The following REPS1 variants were observed in gnomAD, a reference collection of about 807,000 sequenced individuals.
REPS1 encodes ralBP1-associated Eps domain-containing protein 1.
Under a neutral mutation model 100.9 loss-of-function variants are expected in REPS1, and 39 were observed. The observed-to-expected ratio is 0.39, with a 90% CI of 0.30 to 0.50. REPS1 has a LOEUF of 0.50. Among genes scored for constraint, REPS1 ranks in the 20% least tolerant of loss-of-function variants. The pLI is 0.86. For synonymous variants in REPS1, 324 were observed against 340.3 expected (o/e 0.95, Z 0.53); for missense variants, 821 against 968.5 (o/e 0.85, Z 2.02).
chr6:138,962,611 C>T (rs1220697241), intron 1 of REPS1, among the ~76,000 whole-genome samples: 2 of 152,068 alleles, frequency 1.3e-5, no homozygotes, highest in African/African-American at 4.8e-5. Flanking sequence ...ATACCTCTTC[C>T]CTTCTTTCTT....
intron 1 of REPS1, among the ~76,000 whole-genome samples, chr6:138,969,683 T>C (rs1402665638): frequency 1.3e-5 from 2 of 152,038 alleles, no homozygotes; most frequent in African/African-American, 2.4e-5. Flanking sequence ...ATGTTGCACA[T>C]GCAGCCTCTC....
chr6:138,965,539 A>G (rs1359765748), intron 1 of REPS1, among the ~76,000 whole-genome samples: 1 of 152,192 alleles, frequency 6.6e-6, no homozygotes, highest in African/African-American at 2.4e-5. Context: ...TTTGATCACT[A>G]TCGTATACTT....
intron 8 of REPS1, among the ~76,000 whole-genome samples, chr6:138,932,842 A>G (rs1203572984): frequency 6.6e-6 from 1 of 152,206 alleles, no homozygotes; most frequent in Non-Finnish European, 1.5e-5. Flanking sequence ...TTTGTTTCCA[A>G]TGGTTACTAA....
chr6:138,942,322 T>C (rs1323646028), intron 7 of REPS1, among the ~76,000 whole-genome samples: 2 of 152,208 alleles, frequency 1.3e-5, no homozygotes, highest in African/African-American at 4.8e-5. Context: ...GTTTTAGGTG[T>C]TATCTACCTA....
chr6:138,934,407 A>G (rs534775656), intron 8 of REPS1: 1 of 460,198 alleles, frequency 2.2e-6, no homozygotes, highest in Non-Finnish European at 4.6e-6. Flanking sequence ...ATTTCCACGT[A>G]CAAAAGTGTG....
At chr6:138,979,018 TAAG>T (rs749337945) in intron 1 of REPS1, among the ~76,000 whole-genome samples, 3 of 151,726 alleles carry the variant, frequency 2.0e-5, no homozygotes, top group Non-Finnish European at 4.4e-5. Flanking sequence ...CTGTCTCTAC[TAAG>T]AAGACAAAAA....
chr6:138,955,526 T>C (rs1258481652), intron 1 of REPS1, among the ~76,000 whole-genome samples: 1 of 146,572 alleles, frequency 6.8e-6, no homozygotes, highest in East Asian at 2.1e-4. Context: ...TGAGTGACTA[T>C]TACATCTAAC....
intron 19 of REPS1, 169 bp downstream of exon 19, chr6:138,907,326 G>T (rs1010679607): frequency 2.1e-6 from 1 of 479,854 alleles, no homozygotes; most frequent in Non-Finnish European, 3.8e-6. Context: ...GTGTGTGTGT[G>T]TGTGTGTGTG....
At chr6:138,927,967 T>C (rs1385463849) in intron 9 of REPS1, 1 of 152,190 alleles carries the variant, frequency 6.6e-6, no homozygotes, top group Non-Finnish European at 1.5e-5. Flanking sequence ...AGGTATTTAC[T>C]TGTGTACCTC....
chr6:138,904,819 G>C lies in REPS1; in HGVS notation c.*245C>G, dbSNP rs1779529224. On this transcript the variant is annotated 3_prime_UTR_variant, in exon 20 of 20. Transcript: ENST00000450536. ...GAAGCATTGCATATCCCAGATGCTA[G>C]GGAACAGAAAAGGTGGGTGTGCCAA... 8.1e-6 allele frequency: 3 copies of C among 370,726 alleles called. No homozygotes were observed. Among genetic ancestry groups the C allele is most frequent in the Non-Finnish European group, 9.9e-6 (2 of 201,980 alleles). 23.0% of individuals were successfully genotyped at this position (370,726 alleles called of 1,614,324 possible).
Position 138,953,168 on chromosome 6 carries a change from C to T in REPS1, c.154-5255G>A, listed in dbSNP as rs141406026. On this transcript the variant is annotated intron_variant, in intron 1 of 19. Transcript: ENST00000450536. ...TTTATGAATGAAATTAGATGCCTAC[C>T]TCTCACCCTATATAAAAATCAACTC... Among the ~76,000 whole-genome samples the T allele has an allele frequency of 1.7e-3, 259 of 152,140 alleles. 1 individual carries two copies. The highest frequency in any genetic ancestry group is 6.0e-3 in the African/African-American group (251 of 41,522).
intron 15 of REPS1, among the ~76,000 whole-genome samples, chr6:138,913,938 G>A (rs1780186818): frequency 6.6e-6 from 1 of 152,136 alleles, no homozygotes; most frequent in African/African-American, 2.4e-5. Flanking sequence ...TAGCCACTAA[G>A]GCTGTCCCAA....
At chr6:138,932,881 C>T (rs1293005842) in intron 8 of REPS1, among the ~76,000 whole-genome samples, 1 of 152,194 alleles carries the variant, frequency 6.6e-6, no homozygotes. Context: ...CAAGGGAAAA[C>T]TCAAATTTTG....
intron 9 of REPS1, chr6:138,928,780 C>T (rs1157381218): frequency 6.7e-6 from 1 of 150,106 alleles, no homozygotes; most frequent in African/African-American, 2.5e-5. Flanking sequence ...ATAGATGCAG[C>T]AAAAATAGTA....
At chr6:138,945,184 C>T (rs988275900) in intron 4 of REPS1, 35 bp downstream of exon 4, 4 of 1,552,218 alleles carry the variant, frequency 2.6e-6, no homozygotes, top group Admixed American at 3.8e-5. Flanking sequence ...GCCTGGGCAA[C>T]ACAATGACAC....
At chr6:138,931,591 A>C (rs1437928157) in intron 8 of REPS1, among the ~76,000 whole-genome samples, 1 of 152,188 alleles carries the variant, frequency 6.6e-6, no homozygotes, top group Non-Finnish European at 1.5e-5. Flanking sequence ...ATCAGAAATT[A>C]TTTCTTTCTT....
chr6:138,980,459 A>C (rs938991263), intron 1 of REPS1, among the ~76,000 whole-genome samples: 11 of 152,062 alleles, frequency 7.2e-5, no homozygotes, highest in African/African-American at 2.2e-4. Flanking sequence ...TCTTGTCCAC[A>C]GTTTCAGTTC....
At chr6:138,928,135 C>G (rs1420968959) in intron 9 of REPS1, 1 of 152,200 alleles carries the variant, frequency 6.6e-6, no homozygotes, top group African/African-American at 2.4e-5. Context: ...CAAACTTGGG[C>G]AAGTTGTATA....
chr6:138,937,650 G>A (rs1022045246), intron 8 of REPS1, among the ~76,000 whole-genome samples: 2 of 152,190 alleles, frequency 1.3e-5, no homozygotes, highest in African/African-American at 4.8e-5. Flanking sequence ...AGACAGGGAA[G>A]CACACATCCC....
Sources: allele counts gnomAD v4.1 joint callset (sites outside exome capture counted in the v4.1 genomes callset), GRCh38; gene constraint gnomAD v4.1.1; transcripts MANE v1.5; gene names NCBI Gene and HGNC (gene_info 2026-07-23, HGNC 2026-07-21).